The following MDGA2 variants were observed in gnomAD, a reference collection of about 807,000 sequenced individuals.
MDGA2 encodes MAM domain containing glycosylphosphatidylinositol anchor 2.
A neutral mutation model predicts 117.8 loss-of-function variants in MDGA2; 40 were observed. That is an observed-to-expected ratio of 0.34 (90% confidence interval 0.26 to 0.44). The LOEUF (loss-of-function observed/expected upper bound fraction) is 0.44, where lower values mean the gene tolerates loss of function less well. Ranked by LOEUF, MDGA2 falls within the 20% of genes least tolerant of loss-of-function variation. The pLI is 1.00. For synonymous variants in MDGA2, 452 were observed against 439.0 expected (o/e 1.03, Z -0.37); for missense variants, 1,123 against 1,250.6 (o/e 0.90, Z 1.54).
intron 10 of MDGA2, among the ~76,000 whole-genome samples, chr14:46,897,344 T>G (rs887122376): frequency 3.3e-5 from 5 of 152,156 alleles, no homozygotes; most frequent in African/African-American, 1.2e-4. Context: ...AAAGATTTCT[T>G]AACGCATTGC....
intron 1 of MDGA2, among the ~76,000 whole-genome samples, chr14:47,434,953 T>G (rs1415326169): frequency 6.6e-6 from 1 of 151,990 alleles, no homozygotes; most frequent in African/African-American, 2.4e-5. Flanking sequence ...CTGACCAACA[T>G]GGGGAAAACC....
intron 3 of MDGA2, among the ~76,000 whole-genome samples, chr14:47,186,065 A>G (rs1017675494): frequency 6.6e-6 from 1 of 151,674 alleles, no homozygotes; most frequent in Non-Finnish European, 1.5e-5. Flanking sequence ...AAGAAAATCC[A>G]TTCATAAAAC....
chr14:47,530,121 G>GA (rs1162974867), intron 1 of MDGA2, among the ~76,000 whole-genome samples: 1 of 152,184 alleles, frequency 6.6e-6, no homozygotes, highest in Non-Finnish European at 1.5e-5. Flanking sequence ...CCTATCCCAG[G>GA]AAAGCAGATG....
At chr14:47,254,866 G>C (rs1887565255) in intron 2 of MDGA2, among the ~76,000 whole-genome samples, 2 of 152,194 alleles carry the variant, frequency 1.3e-5, no homozygotes, top group Non-Finnish European at 2.9e-5. Flanking sequence ...AATCATGATG[G>C]AAGAGGAAGC....
At chr14:47,380,562 C>G (rs140176055) in intron 1 of MDGA2, among the ~76,000 whole-genome samples, 2,958 of 152,116 alleles carry the variant, frequency 0.019, 56 homozygotes, top group Middle Eastern at 0.075. Context: ...GAAATACAAA[C>G]TACCATCAGA....
At position 47,478,773 on chromosome 14, in the gene MDGA2, T is replaced by G. The variant is rs894672884; in HGVS notation, c.281-177223A>C. Among the ~76,000 whole-genome samples the G allele has an allele frequency of 7.2e-5, 11 of 152,252 alleles. No individual in the cohort carries two copies. In the East Asian group the frequency reaches 2.1e-3, roughly 29 times the overall value. ...AAAACACATTGAGAAAAATCTCCTG[T>G]GAGTTAGAGATTAAGTGGAGAATGT... On this transcript the variant is annotated intron_variant, in intron 1 of 16. Transcript: ENST00000399232.
At chr14:47,553,018 C>A (rs1020103948) in intron 1 of MDGA2, among the ~76,000 whole-genome samples, 2 of 152,234 alleles carry the variant, frequency 1.3e-5, no homozygotes, top group African/African-American at 4.8e-5. Flanking sequence ...TTTTAAAAGG[C>A]AGCCCTAACC....
In MDGA2 at chr14:47,310,948, C is replaced by T. The variant is rs78538444; in HGVS notation, c.281-9398G>A. Among the ~76,000 whole-genome samples the T allele has an allele frequency of 5.4e-3, 825 of 152,200 alleles. 4 individuals carry two copies. Among genetic ancestry groups the T allele is most frequent in the Non-Finnish European group, 9.9e-3 (674 of 68,000 alleles). On this transcript the variant is annotated intron_variant, in intron 1 of 16. Coordinates refer to ENST00000399232, the MANE Select transcript of MDGA2 (RefSeq NM_001113498.3). ...TTTGATCAGGTCTTTCCCTCCAAAT[C>T]AAACTTGTGAAATGGCATCCTGTTA... is the stretch of plus-strand genomic sequence containing the variant.
chr14:47,285,172 T>C (rs1366853090), intron 2 of MDGA2, among the ~76,000 whole-genome samples: 3 of 152,148 alleles, frequency 2.0e-5, no homozygotes, highest in African/African-American at 7.2e-5. Context: ...TCTCTCTGCC[T>C]CTAAAGGAAT....
At chr14:47,295,389 A>G (rs1889029465) in intron 2 of MDGA2, among the ~76,000 whole-genome samples, 1 of 152,212 alleles carries the variant, frequency 6.6e-6, no homozygotes, top group Admixed American at 6.5e-5. Context: ...TCAAATGTTC[A>G]GTATTCCTAC....
At chr14:47,099,769 C>G (rs1275753859) in intron 5 of MDGA2, among the ~76,000 whole-genome samples, 1 of 151,926 alleles carries the variant, frequency 6.6e-6, no homozygotes, top group African/African-American at 2.4e-5. Flanking sequence ...CCTCAATTTC[C>G]CATTGTTGAA....
At chr14:47,244,693 G>A (rs1887180674) in intron 2 of MDGA2, among the ~76,000 whole-genome samples, 1 of 151,712 alleles carries the variant, frequency 6.6e-6, no homozygotes, top group South Asian at 2.1e-4. Flanking sequence ...CAGACCAGCT[G>A]GTATTTTTCA....
At chr14:47,122,201 A>G (rs1881687314) in intron 5 of MDGA2, among the ~76,000 whole-genome samples, 2 of 152,122 alleles carry the variant, frequency 1.3e-5, no homozygotes, top group East Asian at 3.8e-4. Flanking sequence ...TTTAGCAGAA[A>G]GCAAATTCAC....
At chr14:47,600,960 A>G (rs1325124211) in intron 1 of MDGA2, among the ~76,000 whole-genome samples, 4 of 152,222 alleles carry the variant, frequency 2.6e-5, no homozygotes, top group Admixed American at 6.5e-5. Flanking sequence ...CAACATACAG[A>G]GATATGTGGT....
chr14:46,875,065 A>G (rs1451543351), intron 12 of MDGA2, among the ~76,000 whole-genome samples: 1 of 151,826 alleles, frequency 6.6e-6, no homozygotes, highest in African/African-American at 2.4e-5. Context: ...GCCTCATAAC[A>G]ACTCTGTGAA....
At chr14:47,331,919 T>A (rs1890304334) in intron 1 of MDGA2, among the ~76,000 whole-genome samples, 1 of 151,898 alleles carries the variant, frequency 6.6e-6, no homozygotes, top group African/African-American at 2.4e-5. Context: ...ATAAAACAAC[T>A]CTCATTTAGC....
chr14:47,282,732 G>A (rs114470676), intron 2 of MDGA2, among the ~76,000 whole-genome samples: 4,281 of 151,350 alleles, frequency 0.028, 195 homozygotes, highest in African/African-American at 0.097. Flanking sequence ...CAAAAAACAG[G>A]TAATCAGTTC....
intron 2 of MDGA2, among the ~76,000 whole-genome samples, chr14:47,221,646 C>T (rs188770016): frequency 1.6e-3 from 230 of 147,716 alleles, no homozygotes; most frequent in African/African-American, 5.6e-3. Context: ...AGAGTTTGCA[C>T]CACTGCACTC....
At chr14:47,205,138 G>T (rs1566679844) in intron 3 of MDGA2, among the ~76,000 whole-genome samples, 2 of 151,928 alleles carry the variant, frequency 1.3e-5, no homozygotes, top group Admixed American at 6.6e-5. Context: ...ATGTGCATAT[G>T]TGTATATATA....
Sources: allele counts gnomAD v4.1 joint callset (sites outside exome capture counted in the v4.1 genomes callset), GRCh38; gene constraint gnomAD v4.1.1; transcripts MANE v1.5; gene names NCBI Gene and HGNC (gene_info 2026-07-23, HGNC 2026-07-21).